Variants in COG4 observed in about 807,000 individuals in gnomAD.
The protein encoded by COG4 is component of oligomeric golgi complex 4.
In COG4, 65 loss-of-function variants were observed where a neutral mutation model predicts 95.1. The observed-to-expected ratio is 0.68, with a 90% confidence interval of 0.56 to 0.84. The LOEUF is 0.84. Among genes scored for constraint, COG4 ranks in the 40% least tolerant of loss-of-function variants. The pLI is 0.00. For synonymous variants in COG4, 421 were observed against 374.8 expected (o/e 1.12, Z -1.42); for missense variants, 1,045 against 989.1 (o/e 1.06, Z -0.76).
chr16:70,486,952 G>A (rs1420912835), intron 13 of COG4, among the ~76,000 whole-genome samples: 3 of 149,514 alleles, frequency 2.0e-5, no homozygotes, highest in Admixed American at 6.8e-5. Context: ...CCGAGACTGC[G>A]CCACTGCACT....
chr16:70,515,636 T>C (rs1371729207), intron 3 of COG4, among the ~76,000 whole-genome samples: 3 of 152,042 alleles, frequency 2.0e-5, no homozygotes, highest in African/African-American at 4.8e-5. Flanking sequence ...CACGCTGAGA[T>C]CAAGCCATTG....
At chr16:70,518,998 T>TTCTCAAAC (rs2049881888) in intron 2 of COG4, among the ~76,000 whole-genome samples, 1 of 150,138 alleles carries the variant, frequency 6.7e-6, no homozygotes, top group African/African-American at 2.4e-5. Context: ...AAAAAGGTGG[T>TTCTCAAAC]TCTCAAACTT....
chr16:70,503,076 G>C (rs186650289), intron 8 of COG4, among the ~76,000 whole-genome samples: 1 of 152,012 alleles, frequency 6.6e-6, no homozygotes, highest in Non-Finnish European at 1.5e-5. Context: ...TTTGAGATAG[G>C]GTCACTGTCT....
intron 8 of COG4, among the ~76,000 whole-genome samples, chr16:70,506,521 G>C (rs79296854): frequency 6.8e-6 from 1 of 146,802 alleles, no homozygotes; most frequent in Non-Finnish European, 1.5e-5. Flanking sequence ...AACCTAGCAG[G>C]TGGAGGTTTT....
At chr16:70,509,156 AC>A (rs1294261162) in intron 7 of COG4, 74 bp downstream of exon 7, 1 of 1,581,730 alleles carries the variant, frequency 6.3e-7, no homozygotes. Context: ...ACTTTTTCAA[AC>A]CCTACAATTT....
At chr16:70,514,867 CA>C (rs2049789924) in intron 3 of COG4, among the ~76,000 whole-genome samples, 1 of 151,828 alleles carries the variant, frequency 6.6e-6, no homozygotes, top group African/African-American at 2.4e-5. Context: ...CATGTGCCAC[CA>C]TGCCTGGCTA....
chr16:70,490,255 T>A (rs980965062), intron 13 of COG4, 75 bp downstream of exon 13: 2 of 1,195,496 alleles, frequency 1.7e-6, no homozygotes, highest in African/African-American at 3.0e-5. Context: ...GTCTTCACCA[T>A]GATGTTTGTA....
At chr16:70,497,756 T>A (rs2049370288) in intron 10 of COG4, among the ~76,000 whole-genome samples, 181 bp downstream of exon 10, 1 of 152,004 alleles carries the variant, frequency 6.6e-6, no homozygotes, top group African/African-American at 2.4e-5. Context: ...CCTAGCTGGG[T>A]ATACAAAGAA....
intron 12 of COG4, among the ~76,000 whole-genome samples, chr16:70,495,841 C>T (rs1039568293): frequency 2.6e-5 from 4 of 152,216 alleles, no homozygotes; most frequent in African/African-American, 9.6e-5. Context: ...AAGCCTAAGA[C>T]ATGTACTAGC....
At chr16:70,503,632 T>C (rs1256929007) in intron 8 of COG4, among the ~76,000 whole-genome samples, 1 of 139,532 alleles carries the variant, frequency 7.2e-6, no homozygotes, top group African/African-American at 3.3e-5. Flanking sequence ...TCTCACTCTG[T>C]CGCCCAGGCT....
intron 13 of COG4, among the ~76,000 whole-genome samples, chr16:70,484,568 G>A (rs899466357): frequency 5.9e-5 from 9 of 152,184 alleles, no homozygotes; most frequent in South Asian, 2.1e-4. Context: ...GTTTAAGGGC[G>A]TACTGTATAC....
Position 70,501,320 on chromosome 16 carries a change from G to C in COG4, c.1062-229C>G, listed in dbSNP as rs982735393. 12 of 562,958 alleles carry C rather than the reference G, an allele frequency of 2.1e-5. No individual in the cohort carries two copies. The South Asian group carries it at 2.5e-4, about 12-fold the overall frequency. 34.9% of individuals were successfully genotyped at this position (562,958 alleles called of 1,614,324 possible). ...TCATTCACTCCCTAAAATTCTGCCA[G>C]ACCTAAATAAAAGGTTGGGAGATGT... On this transcript the variant is annotated intron_variant, in intron 8 of 18. Transcript: ENST00000323786.
At chr16:70,522,012 TAA>T (rs1472414789) in intron 1 of COG4, among the ~76,000 whole-genome samples, 1 of 150,110 alleles carries the variant, frequency 6.7e-6, no homozygotes, top group Non-Finnish European at 1.5e-5. Context: ...TTTTTTTTTT[TAA>T]GAGACACAAT....
At chr16:70,508,842 A>T in intron 7 of COG4, 1 of 533,582 alleles carries the variant, frequency 1.9e-6, no homozygotes, top group Non-Finnish European at 3.6e-6. Flanking sequence ...AGCAAACGTT[A>T]TCTTTAACAT....
intron 5 of COG4, among the ~76,000 whole-genome samples, chr16:70,511,278 C>G (rs140379119): frequency 7.1e-6 from 1 of 141,792 alleles, no homozygotes; most frequent in Non-Finnish European, 1.5e-5. Flanking sequence ...TCATTTTAAA[C>G]AGGAATGACA....
intron 2 of COG4, among the ~76,000 whole-genome samples, chr16:70,518,953 G>T (rs994149140): frequency 6.6e-6 from 1 of 151,034 alleles, no homozygotes; most frequent in Non-Finnish European, 1.5e-5. Flanking sequence ...CTCCAGCCTG[G>T]GGGACAAAAA....
In COG4 at chr16:70,481,121, C is replaced by T; in HGVS notation, c.2259G>A (p.Trp753Ter). 1 of 1,613,494 alleles carries T rather than the reference C, an allele frequency of 6.2e-7. No homozygotes were observed. Among genetic ancestry groups the T allele is most frequent in the Non-Finnish European group, 8.5e-7 (1 of 1,180,008 alleles). ...LERVTEILDY[W>*]GPNSGPLTWR... ...ACGTCAATGGGCCGGAATTGGGTCC[C>T]CAGTAATCGAGGATCTCGGTCACCT... Residue 753 changes from tryptophan to a stop codon, truncating the protein, a stop_gained, in exon 19 of 19, where the codon TGG (tryptophan) becomes TGA (stop). Transcript: ENST00000323786. LOFTEE classifies it high-confidence loss of function.
At chr16:70,483,040 T>C (rs1377101779) in intron 14 of COG4, among the ~76,000 whole-genome samples, 1 of 76,904 alleles carries the variant, frequency 1.3e-5, no homozygotes, top group Non-Finnish European at 2.5e-5. Flanking sequence ...ACCCCTTCCC[T>C]CTCCTCTCCC....
rs1026940775 is a variant in COG4 at position 70,482,371 on chromosome 16, T to C, written c.1921-196A>G. 6.4e-5 allele frequency: 42 copies of C among 656,388 alleles called. No homozygotes were observed. The African/African-American group carries it at 6.6e-4, about 10-fold the overall frequency. The allele number at this position is 656,388 out of a possible 1,614,324, so 40.7% of individuals were successfully genotyped here. A position where few individuals can be genotyped will look rare whatever the true frequency, so the allele number is the denominator to read the frequency against. On this transcript the variant is annotated intron_variant, in intron 15 of 18. Transcript: ENST00000323786. ...AGCAAACAGCCCAGGGCTGTAGCAG[T>C]GGCCCACATAACATGGTAAAGTTCC...
Sources: allele counts gnomAD v4.1 joint callset (sites outside exome capture counted in the v4.1 genomes callset), GRCh38; gene constraint gnomAD v4.1.1; transcripts MANE v1.5; gene names NCBI Gene and HGNC (gene_info 2026-07-23, HGNC 2026-07-21).